Variants in RIT2 observed in about 807,000 individuals in gnomAD.
The protein encoded by RIT2 is GTP-binding protein Rit2.
A neutral mutation model predicts 23.7 loss-of-function variants in RIT2; 24 were observed. The observed-to-expected ratio is 1.01, with a 90% CI of 0.73 to 1.43. The LOEUF (loss-of-function observed/expected upper bound fraction) is 1.43. RIT2 is among the 40% of genes most tolerant of loss of function. RIT2 has a pLI of 0.00. For missense variants in RIT2, 236 were observed against 266.9 expected, an observed-to-expected ratio of 0.88 and a Z score of 0.81; for synonymous variants, 107 against 91.1, an observed-to-expected ratio of 1.17 and a Z score of -0.99.
chr18:43,054,374 G>A (rs1469117624), intron 1 of RIT2, among the ~76,000 whole-genome samples: 2 of 152,072 alleles, frequency 1.3e-5, no homozygotes, highest in Admixed American at 6.6e-5. Context: ...ATTTCACAAA[G>A]AAGACTAATC....
chr18:42,972,338 A>G (rs2144201827), intron 3 of RIT2, among the ~76,000 whole-genome samples: 1 of 152,114 alleles, frequency 6.6e-6, no homozygotes, highest in Admixed American at 6.6e-5. Context: ...GTTAATATAT[A>G]GATTTCAAAT....
chr18:42,907,887 A>G (rs1163880434), intron 4 of RIT2, among the ~76,000 whole-genome samples: 1 of 152,048 alleles, frequency 6.6e-6, no homozygotes, highest in African/African-American at 2.4e-5. Context: ...AGACTGAGTC[A>G]GGAGGGTTGC....
At chr18:42,758,680 A>ATT (rs11371811) in intron 4 of RIT2, among the ~76,000 whole-genome samples, 2,071 of 139,816 alleles carry the variant, frequency 0.015, 20 homozygotes, top group South Asian at 0.025. Context: ...CACCCGGCTA[A>ATT]TTTTTTTTTT....
intron 1 of RIT2, among the ~76,000 whole-genome samples, chr18:43,113,509 G>C (rs1289397882): frequency 6.6e-6 from 1 of 152,182 alleles, no homozygotes; most frequent in Non-Finnish European, 1.5e-5. Context: ...AGGCCACTCT[G>C]TGGGCCATGT....
intron 4 of RIT2, among the ~76,000 whole-genome samples, chr18:42,821,406 T>G (rs1906144717): frequency 1.3e-5 from 2 of 152,122 alleles, no homozygotes; most frequent in Admixed American, 6.6e-5. Context: ...GAGTAGACAG[T>G]TCATGCTGTG....
intron 4 of RIT2, among the ~76,000 whole-genome samples, chr18:42,856,257 G>A (rs1364800242): frequency 6.6e-6 from 1 of 152,194 alleles, no homozygotes; most frequent in East Asian, 1.9e-4. Flanking sequence ...CTTTGTTCAG[G>A]AGAGAGTCCT....
intron 4 of RIT2, among the ~76,000 whole-genome samples, chr18:42,761,455 C>G (rs1282640668): frequency 6.6e-6 from 1 of 152,150 alleles, no homozygotes; most frequent in Non-Finnish European, 1.5e-5. Flanking sequence ...GACATTAGAG[C>G]AGTGTTCCTT....
chr18:42,996,544 A>G lies in RIT2; in HGVS notation c.161-22397T>C, dbSNP rs148971529. Among the ~76,000 whole-genome samples, 866 of 152,102 alleles carry G rather than the reference A, an allele frequency of 5.7e-3. 12 individuals are homozygous for G. The highest frequency in any genetic ancestry group is 0.02 in the African/African-American group (817 of 41,498). On this transcript the variant is annotated intron_variant, in intron 2 of 4. Coordinates refer to ENST00000326695, the MANE Select transcript of RIT2 (RefSeq NM_002930.4). ...TGTTTCTGCCTTAACTGATGACAAT[A>G]TCTTGTGAAATTCCTTCTCCTGGCT...
intron 4 of RIT2, among the ~76,000 whole-genome samples, chr18:42,748,412 G>T (rs75178915): frequency 0.025 from 3,836 of 151,810 alleles, 162 homozygotes; most frequent in African/African-American, 0.085. Flanking sequence ...TGCACGAATG[G>T]TCATTATCAA....
intron 3 of RIT2, among the ~76,000 whole-genome samples, chr18:42,949,521 A>T (rs566998823): frequency 5.3e-5 from 8 of 152,226 alleles, no homozygotes; most frequent in African/African-American, 1.9e-4. Flanking sequence ...TGGGCAGATA[A>T]CCTTGCAGAA....
At position 42,939,676 on chromosome 18, in the gene RIT2, C is replaced by G. The variant is rs535229551; in HGVS notation, c.235-15913G>C. On this transcript the variant is annotated intron_variant, in intron 3 of 4. Transcript: ENST00000326695. ...AAAATATGCCTATAAAGTTTTTTTG[C>G]AAAGAAAAAAAAATGCTACTGAAGT... 1.9e-3 allele frequency among the ~76,000 whole-genome samples: 288 copies of G among 150,262 alleles called. 1 individual carries two copies. Among genetic ancestry groups the G allele is most frequent in the African/African-American group, 6.7e-3 (275 of 41,090 alleles).
intron 3 of RIT2, among the ~76,000 whole-genome samples, chr18:42,969,439 G>A (rs1470435822): frequency 2.6e-5 from 4 of 151,968 alleles, no homozygotes; most frequent in Admixed American, 6.6e-5. Context: ...GAAATCACAG[G>A]GCTTTATATC....
At chr18:42,776,927 G>A (rs572897727) in intron 4 of RIT2, among the ~76,000 whole-genome samples, 8 of 152,120 alleles carry the variant, frequency 5.3e-5, no homozygotes, top group Non-Finnish European at 1.2e-4. Context: ...AAAGTCTAGA[G>A]TAGAAGAAGA....
chr18:42,969,485 A>G (rs573390037), intron 3 of RIT2, among the ~76,000 whole-genome samples: 2 of 152,266 alleles, frequency 1.3e-5, no homozygotes, highest in East Asian at 3.9e-4. Flanking sequence ...TAATTTATTC[A>G]TTTCACAGAT....
chr18:43,033,669 T>C, intron 2 of RIT2, 142 bp downstream of exon 2: 1 of 633,356 alleles, frequency 1.6e-6, no homozygotes. Flanking sequence ...TTGTGGTACG[T>C]TACATATGAT....
intron 2 of RIT2, among the ~76,000 whole-genome samples, chr18:42,995,178 C>T (rs890896404): frequency 3.3e-5 from 5 of 152,128 alleles, no homozygotes; most frequent in African/African-American, 1.2e-4. Flanking sequence ...CCTCTTAAAA[C>T]CTCTCATTTC....
chr18:42,924,463 G>T (rs1175645391), intron 3 of RIT2, among the ~76,000 whole-genome samples: 1 of 151,516 alleles, frequency 6.6e-6, no homozygotes, highest in African/African-American at 2.4e-5. Context: ...ACAACTTCTC[G>T]GTGACTGAAA....
intron 2 of RIT2, among the ~76,000 whole-genome samples, chr18:43,009,927 A>T (rs934093114): frequency 6.6e-6 from 1 of 151,670 alleles, no homozygotes; most frequent in Non-Finnish European, 1.5e-5. Flanking sequence ...CCACTCTGTC[A>T]TGTTCCCCTT....
At chr18:42,929,356 C>A (rs911683286) in intron 3 of RIT2, among the ~76,000 whole-genome samples, 3 of 151,940 alleles carry the variant, frequency 2.0e-5, no homozygotes, top group African/African-American at 7.3e-5. Flanking sequence ...TTGTGGTTTT[C>A]AATGTAAGCC....
Sources: gnomAD v4.1 joint callset for allele counts (sites outside exome capture counted in the v4.1 genomes callset) on GRCh38, gnomAD v4.1.1 for gene constraint, MANE v1.5 for transcripts, NCBI Gene and HGNC (gene_info 2026-07-23, HGNC 2026-07-21) for gene names.